The following ACAN variants were observed in gnomAD, a reference collection of about 807,000 sequenced individuals.
The protein encoded by ACAN is aggrecan.
In ACAN, 47 loss-of-function variants were observed where a neutral mutation model predicts 169.1. The observed-to-expected ratio is 0.28, with a 90% CI of 0.22 to 0.35. The LOEUF (loss-of-function observed/expected upper bound fraction) is 0.35, where lower values mean the gene tolerates loss of function less well. ACAN is among the 10% of genes least tolerant of loss of function. The pLI, the probability that ACAN is intolerant of heterozygous loss-of-function variation, is 1.00. For missense variants in ACAN, 2,716 were observed against 2,759.9 expected (o/e 0.98, Z 0.36); for synonymous variants, 1,115 against 1,112.2 (o/e 1.00, Z -0.05).
Position 88,837,626 on chromosome 15 carries a change from T to C in ACAN, c.71-1037T>C, listed in dbSNP as rs75889557. On this transcript the variant is annotated intron_variant, in intron 2 of 18. Coordinates refer to ENST00000560601, the MANE Select transcript of ACAN (RefSeq NM_001369268.1). ...ACGACAGTCCCTTTCAGCTCTCCCC[T>C]GAGAACCACTACTGCTAAAACCAAG... Among the ~76,000 whole-genome samples the C allele has an allele frequency of 2.6e-5, 4 of 152,204 alleles. No individual in the cohort carries two copies. The East Asian group carries it at 5.8e-4, about 22-fold the overall frequency.
chr15:88,841,811 G>A lies in ACAN; in HGVS notation c.701G>A (p.Gly234Asp). The part of the protein sequence containing the change: ...KDEFPGVRTY[G>D]IRDTNETYDV... The stretch of plus-strand genomic sequence containing the variant: ...GAGTTTCCTGGTGTGAGGACGTATG[G>A]CATCCGAGACACCAACGAGACCTAT... Residue 234 changes from glycine (G) to aspartate (D), a missense_variant, in exon 5 of 19, where the codon GGC becomes GAC. This residue lies in a region of ACAN where 1,283 missense variants were observed against 1,281.5 expected (regional missense o/e 1.00). Transcript: ENST00000560601. 1 of 1,613,486 alleles carries A rather than the reference G, an allele frequency of 6.2e-7. No individual in the cohort carries two copies. Among genetic ancestry groups the A allele is most frequent in the African/African-American group, 1.3e-5 (1 of 74,880 alleles).
chr15:88,866,644 G>A lies in ACAN; in HGVS notation c.6947-1572G>A, dbSNP rs115301782. Among the ~76,000 whole-genome samples the A allele has an allele frequency of 7.7e-3, 1,168 of 152,130 alleles. 11 individuals carry two copies. Among genetic ancestry groups the A allele is most frequent in the African/African-American group, 0.026 (1,083 of 41,492 alleles). On this transcript the variant is annotated intron_variant, in intron 13 of 18. Transcript: ENST00000560601. This position sits in a 1 kb window ranked among gnomAD's most constrained non-coding sequence, Gnocchi z 5.6. ...CCAACAACTGGAGATTAGGGCCTTCGTGGATGAGCAAGATGCCTGAGAGCT... is the reference window on the plus strand; with the variant it reads ...CCAACAACTGGAGATTAGGGCCTTCATGGATGAGCAAGATGCCTGAGAGCT...
intron 4 of ACAN, among the ~76,000 whole-genome samples, chr15:88,840,845 G>C (rs998132907): frequency 9.2e-5 from 14 of 152,088 alleles, no homozygotes; most frequent in Non-Finnish European, 2.9e-5. Flanking sequence ...ACACCTGGGG[G>C]CATAAAGAAC....
At chr15:88,829,495 T>A (rs1896306555) in intron 1 of ACAN, among the ~76,000 whole-genome samples, 1 of 152,096 alleles carries the variant, frequency 6.6e-6, no homozygotes. Context: ...TGGTGTAGGG[T>A]CCCTGGCCTT....
At position 88,858,214 on chromosome 15, in the gene ACAN, C is replaced by G. The variant is rs766554442; in HGVS notation, c.5629C>G (p.Gln1877Glu). 1 of 1,613,896 alleles carries G rather than the reference C, an allele frequency of 6.2e-7. No homozygotes were observed. Among genetic ancestry groups the G allele is most frequent in the Admixed American group, 1.7e-5 (1 of 60,022 alleles). The change falls in exon 12 of 19, where the codon CAG becomes GAG. Residue 1877 changes from glutamine (Q) to glutamate (E), a missense_variant. Around this residue, in one of 3 missense-constraint regions of ACAN, gnomAD observed 1,389 missense variants for 1,363.7 expected, o/e 1.02. Coordinates refer to ENST00000560601, the MANE Select transcript of ACAN (RefSeq NM_001369268.1). The surrounding 1 kb of genome is among the most constrained non-coding windows in gnomAD (Gnocchi z 4.0). ...ATCTGGGATGGTGGATGTCAGTGGA[C>G]AGTTTTCTGGAACAGTCGATTCCAG... Reference protein sequence around the residue: ...GKSGMVDVSGQFSGTVDSSGF... With the variant: ...GKSGMVDVSGEFSGTVDSSGF...
At chr15:88,859,542 G>A (rs1353633166) in intron 12 of ACAN, 125 bp downstream of exon 12, 7 of 1,323,324 alleles carry the variant, frequency 5.3e-6, no homozygotes, top group Non-Finnish European at 6.3e-6. Context: ...TAGCTGTGCA[G>A]CCTCAGGCAA....
rs1209890536 is a variant in ACAN, at chr15:88,839,577, C to T, written c.455-435C>T. Reference sequence around the variant, plus strand: ...ACCAGATTTTTCCCAGGGGGAGGTACAGTGGGAGACTCTGTCAAAGACAGT... The same window carrying T: ...ACCAGATTTTTCCCAGGGGGAGGTATAGTGGGAGACTCTGTCAAAGACAGT... On this transcript the variant is annotated intron_variant, in intron 3 of 18. Coordinates refer to ENST00000560601, the MANE Select transcript of ACAN (RefSeq NM_001369268.1). This position sits in a 1 kb window ranked among gnomAD's most constrained non-coding sequence, Gnocchi z 4.5. Among the ~76,000 whole-genome samples, 3 of 152,208 alleles carry T rather than the reference C, an allele frequency of 2.0e-5. No homozygotes were observed. Among genetic ancestry groups the T allele is most frequent in the Non-Finnish European group, 4.4e-5 (3 of 68,046 alleles).
At chr15:88,859,461 G>T in intron 12 of ACAN, 44 bp downstream of exon 12, 2 of 1,551,236 alleles carry the variant, frequency 1.3e-6, no homozygotes, top group South Asian at 1.2e-5. Context: ...AGGTAGTTCA[G>T]ACTGTAGCCT....
At chr15:88,816,626 CAAAGTT>C (rs1421516148) in intron 1 of ACAN, among the ~76,000 whole-genome samples, 1 of 152,136 alleles carries the variant, frequency 6.6e-6, no homozygotes, top group African/African-American at 2.4e-5. Context: ...ACTCTGATTC[CAAAGTT>C]CATGGTTGCC....
intron 1 of ACAN, among the ~76,000 whole-genome samples, chr15:88,818,629 C>CA (rs1895999975): frequency 6.6e-6 from 1 of 152,138 alleles, no homozygotes; most frequent in East Asian, 1.9e-4. Context: ...CTCAAATACT[C>CA]AATAGTCTGA....
chr15:88,847,618 C>T (rs753676221), intron 8 of ACAN, among the ~76,000 whole-genome samples: 1 of 152,356 alleles, frequency 6.6e-6, no homozygotes, highest in East Asian at 1.9e-4. Context: ...TTCTCCCCAT[C>T]AGACAGAGGC....
At position 88,807,623 on chromosome 15, in the gene ACAN, CAG is replaced by C. The variant is rs991667544; in HGVS notation, c.-8+3819_-8+3820del. Reference sequence around the variant, plus strand: ...GCGGGAGTGCAGGCGAGAGGAGGACCAGAGAGGGGGAATTTGTAGAGAAAACG... The same window carrying C: ...GCGGGAGTGCAGGCGAGAGGAGGACCAGAGGGGGAATTTGTAGAGAAAACG... On this transcript the variant is annotated intron_variant, in intron 1 of 18. Coordinates refer to ENST00000560601, the MANE Select transcript of ACAN (RefSeq NM_001369268.1). This position sits in a 1 kb window ranked among gnomAD's most constrained non-coding sequence, Gnocchi z 4.0. Among the ~76,000 whole-genome samples the C allele has an allele frequency of 5.3e-5, 8 of 152,116 alleles. No individual in the cohort carries two copies. The highest frequency in any genetic ancestry group is 1.9e-4 in the African/African-American group (8 of 41,414).
rs1896894414 is a variant in ACAN, at chr15:88,849,886, A to G, written c.2026+155A>G. 1 of 1,104,190 alleles carries G rather than the reference A, an allele frequency of 9.1e-7. No individual in the cohort carries two copies. The highest frequency in any genetic ancestry group is 2.0e-5 in the Admixed American group (1 of 50,448). The allele number at this position is 1,104,190 out of a possible 1,614,324, so 68.4% of individuals were successfully genotyped here. A position where few individuals can be genotyped will look rare whatever the true frequency, so the allele number is the denominator to read the frequency against. On this transcript the variant is annotated intron_variant, in intron 10 of 18. Coordinates refer to ENST00000560601, the MANE Select transcript of ACAN (RefSeq NM_001369268.1). This position sits in a 1 kb window ranked among gnomAD's most constrained non-coding sequence, Gnocchi z 5.1. Reference sequence around the variant, plus strand: ...GCCAGCTCTGAAACCAGCACAACGCAGGCTTTGACCCCAAGGCAAGGTCAT... The same window carrying G: ...GCCAGCTCTGAAACCAGCACAACGCGGGCTTTGACCCCAAGGCAAGGTCAT...
At chr15:88,862,397 G>A (rs1462221251) in intron 13 of ACAN, among the ~76,000 whole-genome samples, 2 of 152,238 alleles carry the variant, frequency 1.3e-5, no homozygotes, top group Non-Finnish European at 2.9e-5. Context: ...GCTGCTGTGA[G>A]GGTGAAGATC....
intron 4 of ACAN, 82 bp downstream of exon 4, chr15:88,840,268 C>G: frequency 6.9e-7 from 1 of 1,450,616 alleles, no homozygotes; most frequent in Non-Finnish European, 9.1e-7. Context: ...GGAACGTTGG[C>G]CAGCACTGAG....
Position 88,865,777 on chromosome 15 carries a change from A to G in ACAN, c.6947-2439A>G, listed in dbSNP as rs562357338. 1.5e-3 allele frequency among the ~76,000 whole-genome samples: 227 copies of G among 152,194 alleles called. 3 individuals are homozygous for G. In the South Asian group the frequency reaches 0.045, roughly 30 times the overall value. ...GATGTCCTAATTGCCCTTCTCAGAA[A>G]GAGGTGGGCCATGCAGGGCCAGAAC... On this transcript the variant is annotated intron_variant, in intron 13 of 18. Coordinates refer to ENST00000560601, the MANE Select transcript of ACAN (RefSeq NM_001369268.1).
chr15:88,829,148 T>A (rs1445642725), intron 1 of ACAN, among the ~76,000 whole-genome samples: 2 of 152,004 alleles, frequency 1.3e-5, no homozygotes, highest in Non-Finnish European at 2.9e-5. Flanking sequence ...ACAGAGCAAG[T>A]AACAAATTTG....
rs1896932336 is a variant in ACAN at position 88,851,664 on chromosome 15, C to T, written c.2027-130C>T. 1 of 1,119,986 alleles carries T rather than the reference C, an allele frequency of 8.9e-7. No homozygotes were observed. Among genetic ancestry groups the T allele is most frequent in the Non-Finnish European group, 1.2e-6 (1 of 806,332 alleles). The allele number at this position is 1,119,986 out of a possible 1,614,324, so 69.4% of individuals were successfully genotyped here. A position where few individuals can be genotyped will look rare whatever the true frequency, so the allele number is the denominator to read the frequency against. On this transcript the variant is annotated intron_variant, in intron 10 of 18. Transcript: ENST00000560601. The surrounding 1 kb of genome is among the most constrained non-coding windows in gnomAD (Gnocchi z 4.3). ...GGCTCTTACTAAGCGAGAAGGCAAACAGCCATCTGCTGAACTAGGAGGTGG... is the reference window on the plus strand; with the variant it reads ...GGCTCTTACTAAGCGAGAAGGCAAATAGCCATCTGCTGAACTAGGAGGTGG...
chr15:88,871,152 T>C lies in ACAN; in HGVS notation c.7061-230T>C, dbSNP rs999529810. Reference sequence around the variant, plus strand: ...GAGGGTGAGGGGGGAGGGCGTGGCATCAGGGAAGGAAAGGGCCCCTGGCAT... The same window carrying C: ...GAGGGTGAGGGGGGAGGGCGTGGCACCAGGGAAGGAAAGGGCCCCTGGCAT... On this transcript the variant is annotated intron_variant, in intron 14 of 18. Coordinates refer to ENST00000560601, the MANE Select transcript of ACAN (RefSeq NM_001369268.1). This position sits in a 1 kb window ranked among gnomAD's most constrained non-coding sequence, Gnocchi z 7.8. 6.6e-6 allele frequency among the ~76,000 whole-genome samples: 1 copy of C among 151,960 alleles called. No homozygotes were observed. The highest frequency in any genetic ancestry group is 1.5e-5 in the Non-Finnish European group (1 of 67,966).
Sources: allele counts gnomAD v4.1 joint callset (sites outside exome capture counted in the v4.1 genomes callset), GRCh38; gene constraint gnomAD v4.1.1; regional missense constraint gnomAD v4.1.1; non-coding constraint Gnocchi (gnomAD v3.1); transcripts MANE v1.5; gene names NCBI Gene and HGNC (gene_info 2026-07-23, HGNC 2026-07-21).